Variants in MTMR3 observed in about 807,000 individuals in gnomAD.
MTMR3 encodes the protein phosphatidylinositol-3,5-bisphosphate 3-phosphatase MTMR3.
In MTMR3, 32 loss-of-function variants were observed where a neutral mutation model predicts 132.4. That is an observed-to-expected ratio of 0.24 (90% confidence interval 0.18 to 0.32). MTMR3 has a LOEUF of 0.32. Among genes scored for constraint, MTMR3 ranks in the 10% least tolerant of loss-of-function variants. The pLI, the probability that MTMR3 is intolerant of heterozygous loss-of-function variation, is 1.00. For synonymous variants in MTMR3, 556 were observed against 550.3 expected, an observed-to-expected ratio of 1.01 and a Z score of -0.14; for missense variants, 1,216 against 1,489.6, an observed-to-expected ratio of 0.82 and a Z score of 3.02.
rs59781649 is a variant in MTMR3, at chr22:29,954,059, C to CTTTTTTTT, written c.-137-2960_-137-2953dup. Among the ~76,000 whole-genome samples the CTTTTTTTT allele has an allele frequency of 2.4e-4, 19 of 79,432 alleles. 1 individual carries two copies. Among genetic ancestry groups the CTTTTTTTT allele is most frequent in the South Asian group, 4.7e-4 (1 of 2,148 alleles). The allele number at this position is 79,432 out of a possible 152,430, so 52.1% of individuals were successfully genotyped here. A position where few individuals can be genotyped will look rare whatever the true frequency, so the allele number is the denominator to read the frequency against. ...CCCTTTTTTTTTCTTTCAAATGAGT[C>CTTTTTTTT]TTTTTTTTTTTTTTTTTTTTTTTTG... is the stretch of plus-strand genomic sequence containing the variant. On this transcript the variant is annotated intron_variant, in intron 1 of 19. Transcript: ENST00000401950.
At chr22:29,937,008 C>G (rs2065762625) in intron 1 of MTMR3, among the ~76,000 whole-genome samples, 1 of 151,910 alleles carries the variant, frequency 6.6e-6, no homozygotes, top group Non-Finnish European at 1.5e-5. Context: ...TATTTTACCC[C>G]CCTTTTCTTA....
intron 19 of MTMR3, chr22:30,023,343 C>A: frequency 2.9e-6 from 3 of 1,037,216 alleles, no homozygotes; most frequent in Non-Finnish European, 4.5e-6. Context: ...GAAAATGGAA[C>A]AGTCTCTTTG....
intron 1 of MTMR3, among the ~76,000 whole-genome samples, chr22:29,901,519 CAT>C (rs1683048315): frequency 6.6e-6 from 1 of 152,194 alleles, no homozygotes; most frequent in African/African-American, 2.4e-5. Flanking sequence ...TTGGGAAACA[CAT>C]GTAGTTTTGC....
chr22:30,002,938 C>A lies in MTMR3; in HGVS notation c.616C>A (p.Leu206Met). 6.2e-7 allele frequency: 1 copy of A among 1,614,052 alleles called. No homozygotes were observed. Among genetic ancestry groups the A allele is most frequent in the Non-Finnish European group, 8.5e-7 (1 of 1,179,952 alleles). ...GCCTGCCTGGATCACTGACAAAGAACTGGAAAGTGTATCAAGTTTCAGGTC... is the reference window on the plus strand; with the variant it reads ...GCCTGCCTGGATCACTGACAAAGAAATGGAAAGTGTATCAAGTTTCAGGTC... ...IVPAWITDKE[L>M]ESVSSFRSWK... is the part of the protein sequence containing the mutation. Residue 206 changes from leucine (L) to methionine (M), a missense_variant, in exon 9 of 20, where the codon CTG becomes ATG. By Grantham distance (15) the Leu-to-Met change is conservative. Coordinates refer to ENST00000401950, the MANE Select transcript of MTMR3 (RefSeq NM_021090.4).
intron 1 of MTMR3, among the ~76,000 whole-genome samples, chr22:29,889,280 G>T (rs1035136430): frequency 6.8e-6 from 1 of 147,684 alleles, no homozygotes; most frequent in Admixed American, 6.9e-5. Context: ...TGAAAGCTAC[G>T]GAACTTTTTT....
chr22:29,960,431 C>G (rs1447244251), intron 2 of MTMR3, among the ~76,000 whole-genome samples: 1 of 152,044 alleles, frequency 6.6e-6, no homozygotes, highest in Non-Finnish European at 1.5e-5. Context: ...GTATGCAAGC[C>G]TCTTTTAAAT....
chr22:29,940,927 A>G (rs2065845090), intron 1 of MTMR3, among the ~76,000 whole-genome samples: 1 of 150,094 alleles, frequency 6.7e-6, no homozygotes, highest in Non-Finnish European at 1.5e-5. Flanking sequence ...TGAAAAATAT[A>G]ACACTGACCT....
intron 5 of MTMR3, chr22:29,981,577 T>G (rs143325652): frequency 6.6e-6 from 1 of 152,426 alleles, no homozygotes; most frequent in East Asian, 1.9e-4. Context: ...TGCACGCCTG[T>G]AATCTCAGCA....
chr22:29,968,937 A>G (rs1201542724), intron 2 of MTMR3, among the ~76,000 whole-genome samples: 1 of 152,166 alleles, frequency 6.6e-6, no homozygotes. Flanking sequence ...TCATCCTTCC[A>G]GCCTCTAAAA....
intron 14 of MTMR3, chr22:30,016,284 A>C: frequency 2.3e-6 from 1 of 442,508 alleles, no homozygotes; most frequent in Non-Finnish European, 4.1e-6. Flanking sequence ...TCACAATCTC[A>C]GACTATTTAT....
chr22:29,920,213 C>CAAA (rs11404982), intron 1 of MTMR3, among the ~76,000 whole-genome samples: 2 of 132,206 alleles, frequency 1.5e-5, no homozygotes, highest in South Asian at 4.7e-4. Context: ...GACTCTGTCT[C>CAAA]AAAAAAAAAA....
chr22:29,922,844 G>A (rs141671413), intron 1 of MTMR3, among the ~76,000 whole-genome samples: 1 of 151,282 alleles, frequency 6.6e-6, no homozygotes, highest in African/African-American at 2.4e-5. Flanking sequence ...TGGGTGTGAA[G>A]TAGTATCTAA....
intron 1 of MTMR3, among the ~76,000 whole-genome samples, chr22:29,897,060 T>G (rs1463672205): frequency 1.3e-5 from 2 of 151,920 alleles, no homozygotes; most frequent in Admixed American, 1.3e-4. Flanking sequence ...TTCAGTAGAT[T>G]TTTTTTCTTT....
intron 1 of MTMR3, among the ~76,000 whole-genome samples, chr22:29,948,467 T>A (rs2065992277): frequency 6.6e-6 from 1 of 152,234 alleles, no homozygotes; most frequent in Non-Finnish European, 1.5e-5. Flanking sequence ...AGATATTTTT[T>A]TAGTGTAGTT....
At chr22:29,903,096 G>A (rs1250030992) in intron 1 of MTMR3, among the ~76,000 whole-genome samples, 1 of 152,196 alleles carries the variant, frequency 6.6e-6, no homozygotes, top group African/African-American at 2.4e-5. Flanking sequence ...GTAATGGCAT[G>A]TGCCTTGTAA....
At chr22:29,921,318 A>C (rs1182043470) in intron 1 of MTMR3, among the ~76,000 whole-genome samples, 1 of 152,092 alleles carries the variant, frequency 6.6e-6, no homozygotes, top group Non-Finnish European at 1.5e-5. Flanking sequence ...ATAGAGCGAG[A>C]ACTTGCTTAT....
intron 9 of MTMR3, 69 bp from the exon 10 acceptor site, chr22:30,007,045 A>C (rs2067287724): frequency 6.5e-7 from 1 of 1,546,066 alleles, no homozygotes; most frequent in East Asian, 2.3e-5. Flanking sequence ...AAGGCACTTA[A>C]AATCTATTTT....
At chr22:29,936,567 A>C (rs2065754293) in intron 1 of MTMR3, among the ~76,000 whole-genome samples, 2 of 151,634 alleles carry the variant, frequency 1.3e-5, no homozygotes, top group Admixed American at 6.6e-5. Context: ...TCAATGCTGA[A>C]ATAAAGAAAC....
At chr22:29,953,845 C>G (rs1300913608) in intron 1 of MTMR3, among the ~76,000 whole-genome samples, 1 of 152,114 alleles carries the variant, frequency 6.6e-6, no homozygotes, top group Non-Finnish European at 1.5e-5. Context: ...TTAAGCATCC[C>G]TTGTTATTTT....
Sources: gnomAD v4.1 joint callset for allele counts (sites outside exome capture counted in the v4.1 genomes callset) on GRCh38, gnomAD v4.1.1 for gene constraint, MANE v1.5 for transcripts, NCBI Gene and HGNC (gene_info 2026-07-23, HGNC 2026-07-21) for gene names.